The following DMGDH variants were observed in gnomAD, a reference collection of about 807,000 sequenced individuals.
DMGDH encodes dimethylglycine dehydrogenase.
In DMGDH, 76 loss-of-function variants were observed where a neutral mutation model predicts 95.2. That is an observed-to-expected ratio of 0.80 (90% CI 0.66 to 0.97). DMGDH has a LOEUF of 0.97. Among genes scored for constraint, DMGDH ranks in the 50% least tolerant of loss-of-function variants. The pLI is 0.00. For synonymous variants in DMGDH, 345 were observed against 377.6 expected (o/e 0.91, Z 1.00); for missense variants, 987 against 1,055.0 (o/e 0.94, Z 0.89).
intron 7 of DMGDH, among the ~76,000 whole-genome samples, chr5:79,040,535 C>T (rs930879158): frequency 3.9e-5 from 6 of 152,108 alleles, no homozygotes; most frequent in African/African-American, 1.2e-4. Context: ...TAAATCTTCA[C>T]GAACTTGGAT....
At chr5:79,050,248 C>CAAAAAAAAAAAAAAAAA (rs57662602) in intron 5 of DMGDH, among the ~76,000 whole-genome samples, 1 of 78,650 alleles carries the variant, frequency 1.3e-5, no homozygotes, top group Non-Finnish European at 2.3e-5. Flanking sequence ...AACTTTGTCT[C>CAAAAAAAAAAAAAAAAA]AAAAAAAAAA....
At chr5:79,062,416 C>T (rs1422328026) in intron 2 of DMGDH, among the ~76,000 whole-genome samples, 1 of 149,140 alleles carries the variant, frequency 6.7e-6, no homozygotes, top group African/African-American at 2.5e-5. Flanking sequence ...TGAGCACATA[C>T]TAGATGTCAA....
intron 5 of DMGDH, among the ~76,000 whole-genome samples, chr5:79,050,667 G>T (rs968145102): frequency 1.3e-5 from 2 of 152,168 alleles, no homozygotes; most frequent in Non-Finnish European, 2.9e-5. Context: ...ATCAGTGGCC[G>T]CTTGGCCAAG....
intron 15 of DMGDH, among the ~76,000 whole-genome samples, chr5:79,001,646 A>T (rs1434833913): frequency 6.6e-6 from 1 of 152,190 alleles, no homozygotes; most frequent in East Asian, 1.9e-4. Flanking sequence ...TCAAAAGCAC[A>T]CAATCCTCAG....
intron 15 of DMGDH, chr5:79,000,927 G>A (rs1753441497): frequency 3.0e-6 from 2 of 675,616 alleles, no homozygotes; most frequent in Admixed American, 2.3e-5. Context: ...AGGTGGAGCT[G>A]TACCTGGGTC....
intron 6 of DMGDH, among the ~76,000 whole-genome samples, chr5:79,043,668 A>G (rs1256045564): frequency 2.6e-5 from 4 of 152,174 alleles, no homozygotes; most frequent in Admixed American, 6.5e-5. Flanking sequence ...AAGCTGAGGT[A>G]CCTCCTTAGA....
chr5:79,036,394 A>T (rs1278239449), intron 7 of DMGDH, among the ~76,000 whole-genome samples: 1 of 152,192 alleles, frequency 6.6e-6, no homozygotes, highest in Non-Finnish European at 1.5e-5. Context: ...TCTGCTTTTT[A>T]TAACTCTGTT....
chr5:79,044,011 G>T (rs1754595073), intron 6 of DMGDH, among the ~76,000 whole-genome samples: 1 of 152,232 alleles, frequency 6.6e-6, no homozygotes, highest in African/African-American at 2.4e-5. Flanking sequence ...AAAAAACGGG[G>T]AGGCAGGAGG....
intron 14 of DMGDH, 93 bp downstream of exon 14, chr5:79,024,178 C>G: frequency 9.0e-7 from 1 of 1,105,030 alleles, no homozygotes; most frequent in Admixed American, 1.8e-5. Context: ...TCCTATAATC[C>G]ATACTTGGTT....
Position 79,005,300 on chromosome 5 carries a change from T to C in DMGDH, c.2358A>G (p.Gly786=). Residue 786 remains glycine, a synonymous_variant, in exon 15 of 16, where the codon GGA becomes GGG. Transcript: ENST00000255189. ...TLATDDVDPE[G]NESIWYNGKV... ...TGCCATTGTACCAGATGCTTTCATT[T>C]CCCTCTGGATCAACATCATCCGTTG... 1 of 1,613,812 alleles carries C rather than the reference T, an allele frequency of 6.2e-7. No homozygotes were observed. The highest frequency in any genetic ancestry group is 8.5e-7 in the Non-Finnish European group (1 of 1,179,922).
chr5:79,019,365 T>G (rs1349053437), intron 14 of DMGDH, among the ~76,000 whole-genome samples: 1 of 152,028 alleles, frequency 6.6e-6, no homozygotes, highest in East Asian at 1.9e-4. Context: ...CTCTGACCAA[T>G]CCACATGTTT....
Position 79,028,477 on chromosome 5 carries a change from T to C in DMGDH, c.1988A>G (p.Lys663Arg). The C allele has an allele frequency of 6.2e-7, 1 of 1,614,150 alleles. No homozygotes were observed. The highest frequency in any genetic ancestry group is 8.5e-7 in the Non-Finnish European group (1 of 1,180,004). Residue 663 changes from lysine to arginine, a missense_variant, in exon 12 of 16, where the codon AAG becomes AGG. Coordinates refer to ENST00000255189, the MANE Select transcript of DMGDH (RefSeq NM_013391.3). Reference protein sequence around the residue: ...VFKFLQTKSLKVSNIPVTAIR... With the variant: ...VFKFLQTKSLRVSNIPVTAIR... Reference sequence around the variant, plus strand: ...AGCAGTGACAGGAATGTTGGAAACCTTTAAGGACTTGGTTTGAAGAAACTT... The same window carrying C: ...AGCAGTGACAGGAATGTTGGAAACCCTTAAGGACTTGGTTTGAAGAAACTT...
At chr5:79,065,394 T>G (rs1028592351) in intron 1 of DMGDH, among the ~76,000 whole-genome samples, 3 of 151,704 alleles carry the variant, frequency 2.0e-5, no homozygotes, top group African/African-American at 7.3e-5. Flanking sequence ...GTATTTTTAG[T>G]GGAGACGGGG....
At position 79,005,345 on chromosome 5, in the gene DMGDH, T is replaced by C. The variant is rs996573496; in HGVS notation, c.2313A>G (p.Arg771=). The C allele has an allele frequency of 3.7e-6, 6 of 1,613,888 alleles. No homozygotes were observed. The African/African-American group carries it at 6.7e-5, about 18-fold the overall frequency. Residue 771 remains arginine, a synonymous_variant, in exon 15 of 16, where the codon AGA becomes AGG. Transcript: ENST00000255189. Reference sequence around the variant, plus strand: ...CCGTTGCCAAGGTGAGGCAGACCAGTCTTCGTTTCAGCCCCTTGGCTTTAA... The same window carrying C: ...CCGTTGCCAAGGTGAGGCAGACCAGCCTTCGTTTCAGCCCCTTGGCTTTAA... ...KQIKAKGLKR[R]LVCLTLATDD...
intron 6 of DMGDH, 39 bp downstream of exon 6, chr5:79,044,265 C>A: frequency 1.2e-6 from 2 of 1,614,046 alleles, no homozygotes; most frequent in South Asian, 1.1e-5. Context: ...ATGAACCATT[C>A]ATGTCTGACT....
At chr5:78,998,343 T>G in intron 15 of DMGDH, 46 bp from the exon 16 acceptor site, 4 of 1,564,682 alleles carry the variant, frequency 2.6e-6, no homozygotes, top group Non-Finnish European at 3.5e-6. Context: ...GTCACAGCTC[T>G]GTGCTCCTCA....
At chr5:79,029,866 T>C (rs1229226358) in intron 11 of DMGDH, 38 bp downstream of exon 11, 3 of 1,607,520 alleles carry the variant, frequency 1.9e-6, no homozygotes, top group Non-Finnish European at 1.7e-6. Flanking sequence ...AGTCAATATA[T>C]AATGTGTACA....
At chr5:79,021,362 T>C (rs1387747843) in intron 14 of DMGDH, 1 of 1,155,718 alleles carries the variant, frequency 8.7e-7, no homozygotes, top group Non-Finnish European at 1.1e-6. Context: ...CATTTAGATC[T>C]ATGGGTTAGC....
At chr5:79,064,815 T>C (rs1755324174) in intron 1 of DMGDH, among the ~76,000 whole-genome samples, 2 of 152,184 alleles carry the variant, frequency 1.3e-5, no homozygotes. Flanking sequence ...AGTGGCTTGA[T>C]CTTGGCTCAC....
Sources: allele counts gnomAD v4.1 joint callset (sites outside exome capture counted in the v4.1 genomes callset), GRCh38; gene constraint gnomAD v4.1.1; transcripts MANE v1.5; gene names NCBI Gene and HGNC (gene_info 2026-07-23, HGNC 2026-07-21).